The following GMDS variants were observed in gnomAD, a reference collection of about 807,000 sequenced individuals.
GMDS encodes the protein GDP-mannose 4,6-dehydratase, also known as GDP-mannose 4,6 dehydratase.
A neutral mutation model predicts 49.9 loss-of-function variants in GMDS; 20 were observed. The observed-to-expected ratio is 0.40, with a 90% confidence interval of 0.28 to 0.58. The LOEUF is 0.58. Ranked by LOEUF, GMDS falls within the 20% of genes least tolerant of loss-of-function variation. GMDS has a pLI of 0.42. For missense variants in GMDS, 362 were observed against 481.4 expected (o/e 0.75, Z 2.32); for synonymous variants, 177 against 178.6 (o/e 0.99, Z 0.07).
At chr6:2,054,755 G>A (rs1444721007) in intron 4 of GMDS, among the ~76,000 whole-genome samples, 1 of 151,004 alleles carries the variant, frequency 6.6e-6, no homozygotes, top group Admixed American at 6.6e-5. Flanking sequence ...TACCCAGGGG[G>A]GGAAAAAAAA....
intron 7 of GMDS, among the ~76,000 whole-genome samples, chr6:1,824,880 C>A (rs370713871): frequency 2.0e-5 from 3 of 152,098 alleles, no homozygotes; most frequent in East Asian, 1.9e-4. Context: ...TGGTACCATA[C>A]GTTTGTTGTT....
chr6:1,772,013 A>C (rs1195821483), intron 7 of GMDS, among the ~76,000 whole-genome samples: 1 of 152,250 alleles, frequency 6.6e-6, no homozygotes, highest in East Asian at 1.9e-4. Flanking sequence ...TAGAAAGAAC[A>C]GCCCTGTGAG....
chr6:1,791,820 A>C (rs1313514890), intron 7 of GMDS, among the ~76,000 whole-genome samples: 2 of 152,194 alleles, frequency 1.3e-5, no homozygotes, highest in Non-Finnish European at 2.9e-5. Context: ...TTTTTTAATG[A>C]ATTTTTAATC....
intron 7 of GMDS, among the ~76,000 whole-genome samples, chr6:1,862,797 G>A (rs1480714984): frequency 6.6e-6 from 1 of 152,110 alleles, no homozygotes; most frequent in Non-Finnish European, 1.5e-5. Flanking sequence ...AAATAATGGG[G>A]ATAACATAAG....
chr6:2,006,722 A>G (rs1468001830), intron 4 of GMDS, among the ~76,000 whole-genome samples: 2 of 152,156 alleles, frequency 1.3e-5, no homozygotes, highest in East Asian at 1.9e-4. Context: ...TGTAACCAAA[A>G]AGCTAGCAAG....
At chr6:1,850,130 T>C (rs1051714281) in intron 7 of GMDS, among the ~76,000 whole-genome samples, 1 of 152,204 alleles carries the variant, frequency 6.6e-6, no homozygotes, top group Non-Finnish European at 1.5e-5. Context: ...TTCTGCTAAC[T>C]GCCTCCAAAT....
At chr6:2,041,033 T>C (rs1208430550) in intron 4 of GMDS, among the ~76,000 whole-genome samples, 4 of 152,190 alleles carry the variant, frequency 2.6e-5, no homozygotes, top group Non-Finnish European at 4.4e-5. Flanking sequence ...ATGAACCTTG[T>C]AATAGATGAG....
At chr6:1,965,546 G>A (rs989634912) in intron 4 of GMDS, among the ~76,000 whole-genome samples, 3 of 152,224 alleles carry the variant, frequency 2.0e-5, no homozygotes, top group African/African-American at 4.8e-5. Flanking sequence ...GTGTTGGCCA[G>A]GCACAGTGGC....
At chr6:1,898,563 G>C (rs747276858) in intron 7 of GMDS, among the ~76,000 whole-genome samples, 1 of 152,170 alleles carries the variant, frequency 6.6e-6, no homozygotes, top group Admixed American at 6.5e-5. Flanking sequence ...CTGTAGGGGC[G>C]CAGCAGTGAA....
intron 9 of GMDS, among the ~76,000 whole-genome samples, chr6:1,674,100 A>C (rs543312233): frequency 9.9e-4 from 150 of 152,012 alleles, no homozygotes; most frequent in Middle Eastern, 3.4e-3. Context: ...ATGAAATTGC[A>C]AACATTCGTG....
intron 7 of GMDS, among the ~76,000 whole-genome samples, chr6:1,900,730 T>G (rs977328643): frequency 1.3e-5 from 2 of 152,248 alleles, no homozygotes; most frequent in Non-Finnish European, 2.9e-5. Context: ...TCATTTTACT[T>G]CATTCTGGCT....
intron 7 of GMDS, among the ~76,000 whole-genome samples, chr6:1,911,914 A>C (rs1421357149): frequency 6.6e-6 from 1 of 152,122 alleles, no homozygotes; most frequent in Admixed American, 6.6e-5. Flanking sequence ...ACCTCCAAAA[A>C]CCAAATCCTC....
intron 7 of GMDS, among the ~76,000 whole-genome samples, chr6:1,792,243 GTTTT>G (rs1236103008): frequency 6.9e-6 from 1 of 144,916 alleles, no homozygotes; most frequent in South Asian, 2.2e-4. Flanking sequence ...TTAACTGTTA[GTTTT>G]TTTTTTTTCC....
chr6:1,691,912 T>C (rs548001219), intron 9 of GMDS, among the ~76,000 whole-genome samples: 8 of 152,286 alleles, frequency 5.3e-5, no homozygotes, highest in African/African-American at 1.7e-4. Context: ...CTTGACTGGA[T>C]TGAAGGATGC....
chr6:2,181,537 AT>A (rs1190867882), intron 1 of GMDS, among the ~76,000 whole-genome samples: 1 of 152,028 alleles, frequency 6.6e-6, no homozygotes. Context: ...TGTGTCATAC[AT>A]TTTTCCAATA....
intron 4 of GMDS, among the ~76,000 whole-genome samples, chr6:2,065,343 G>A (rs1468600340): frequency 6.6e-6 from 1 of 152,132 alleles, no homozygotes; most frequent in African/African-American, 2.4e-5. Context: ...CAGAAAAACT[G>A]GAAACTCTAA....
At position 1,624,479 on chromosome 6, in the gene GMDS, G is replaced by C; in HGVS notation, c.1049C>G (p.Ala350Gly). Residue 350 changes from alanine (A) to glycine (G), a missense_variant, in exon 10 of 11, where the codon GCT (alanine) becomes GGT (glycine). By Grantham distance (60) the Ala-to-Gly change is moderately conservative. Coordinates refer to ENST00000380815, the MANE Select transcript of GMDS (RefSeq NM_001500.4). ...KQKLNWKPRV[A>G]FDELVREMVH... is the part of the protein sequence containing the mutation. ...GCCCTAAGAGATACTCACATCGAAA[G>C]CGACCCGGGGCTTCCAGTTCAGCTT... 1 of 1,613,582 alleles carries C rather than the reference G, an allele frequency of 6.2e-7. No homozygotes were observed. Among genetic ancestry groups the C allele is most frequent in the Non-Finnish European group, 8.5e-7 (1 of 1,179,566 alleles).
At chr6:1,978,289 T>C (rs1055196536) in intron 4 of GMDS, among the ~76,000 whole-genome samples, 1 of 152,088 alleles carries the variant, frequency 6.6e-6, no homozygotes, top group Admixed American at 6.5e-5. Context: ...ACCTACCTGG[T>C]GGGCCCACCA....
rs1470867712 is a variant in GMDS at position 1,652,656 on chromosome 6, T to A, written c.988-28116A>T. Among the ~76,000 whole-genome samples the A allele has an allele frequency of 4.9e-4, 2 of 4,088 alleles. 1 individual carries two copies. The highest frequency in any genetic ancestry group is 1.2e-3 in the Non-Finnish European group (2 of 1,696). The allele number at this position is 4,088 out of a possible 152,430, so 2.7% of individuals were successfully genotyped here. ...TATAATATATATAATATATATTATT[T>A]ATATATAATATATATAATATATATT... On this transcript the variant is annotated intron_variant, in intron 9 of 10. Transcript: ENST00000380815.
Sources: gnomAD v4.1 joint callset for allele counts (sites outside exome capture counted in the v4.1 genomes callset) on GRCh38, gnomAD v4.1.1 for gene constraint, MANE v1.5 for transcripts, NCBI Gene and HGNC (gene_info 2026-07-23, HGNC 2026-07-21) for gene names.